Variants in ARK2C observed in about 807,000 individuals in gnomAD.
ARK2C encodes the protein arkadia (RNF111) C-terminal like ring finger ubiquitin ligase 2C.
chr18:46,385,355 G>A, the ARK2C span, among the ~76,000 whole-genome samples: 1 of 152,266 alleles, frequency 6.6e-6, no homozygotes, highest in East Asian at 1.9e-4. Context: ...GTTTTGTCTG[G>A]AAGGAAGGAC....
At chr18:46,375,029 C>G in the ARK2C span, among the ~76,000 whole-genome samples, 1 of 152,158 alleles carries the variant, frequency 6.6e-6, no homozygotes, top group African/African-American at 2.4e-5. Flanking sequence ...AGGTGGAGGA[C>G]CAGAGAGAGG....
At chr18:46,400,602 G>C in the ARK2C span, among the ~76,000 whole-genome samples, 1 of 152,144 alleles carries the variant, frequency 6.6e-6, no homozygotes, top group Admixed American at 6.5e-5. Flanking sequence ...GTGGTTTCTA[G>C]GCAGTCAGAA....
At chr18:46,360,371 G>T in the ARK2C span, among the ~76,000 whole-genome samples, 2 of 152,200 alleles carry the variant, frequency 1.3e-5, no homozygotes, top group Non-Finnish European at 2.9e-5. Flanking sequence ...CCACAATGGT[G>T]CTCAAAATTG....
the ARK2C span, among the ~76,000 whole-genome samples, chr18:46,399,362 C>G: frequency 6.6e-6 from 1 of 152,224 alleles, no homozygotes. Context: ...GTGCTGGCCC[C>G]TTCCCTCCAT....
At chr18:46,453,672 T>C in the ARK2C span, among the ~76,000 whole-genome samples, 1 of 151,812 alleles carries the variant, frequency 6.6e-6, no homozygotes, top group African/African-American at 2.4e-5. Context: ...AAAATTTAAA[T>C]TGAGAGTATA....
chr18:46,336,360 T>G, the ARK2C span: 1 of 982,056 alleles, frequency 1.0e-6, no homozygotes, highest in Non-Finnish European at 1.2e-6. Flanking sequence ...TTTTTAATAC[T>G]ACCTTCTCCC....
At chr18:46,457,966 G>A in the ARK2C span, 1 of 152,638 alleles carries the variant, frequency 6.6e-6, no homozygotes, top group African/African-American at 2.4e-5. Context: ...CCGTGTTCCT[G>A]GTCTCTGGCT....
At chr18:46,377,137 C>T in the ARK2C span, among the ~76,000 whole-genome samples, 143 of 152,162 alleles carry the variant, frequency 9.4e-4, no homozygotes, top group Non-Finnish European at 1.6e-3. Flanking sequence ...ATGGCCTGAC[C>T]TTGGATTATT....
At chr18:46,460,394 C>T in the ARK2C span, 2 of 151,766 alleles carry the variant, frequency 1.3e-5, no homozygotes, top group Non-Finnish European at 2.9e-5. Context: ...ACACAAAAAA[C>T]AAAAAACATG....
At chr18:46,357,244 C>T in the ARK2C span, among the ~76,000 whole-genome samples, 1,319 of 152,306 alleles carry the variant, frequency 8.7e-3, 6 homozygotes, top group South Asian at 0.016. Flanking sequence ...AGGTCTCTTC[C>T]CCAGTGGTAA....
the ARK2C span, chr18:46,435,492 A>G: frequency 1.0e-5 from 10 of 971,490 alleles, no homozygotes; most frequent in South Asian, 1.3e-4. Flanking sequence ...TTCACTTTGA[A>G]TGGCGCAGGA....
chr18:46,367,417 T>G, the ARK2C span, among the ~76,000 whole-genome samples: 1 of 152,150 alleles, frequency 6.6e-6, no homozygotes, highest in Non-Finnish European at 1.5e-5. Flanking sequence ...TCCATAGTAG[T>G]GACCTGAAAA....
the ARK2C span, among the ~76,000 whole-genome samples, chr18:46,425,528 G>A: frequency 6.6e-6 from 1 of 152,212 alleles, no homozygotes; most frequent in African/African-American, 2.4e-5. Flanking sequence ...TCTTGAGGAT[G>A]AAACTCCACT....
the ARK2C span, among the ~76,000 whole-genome samples, chr18:46,379,280 G>A: frequency 6.6e-5 from 10 of 152,168 alleles, no homozygotes; most frequent in Non-Finnish European, 1.0e-4. Flanking sequence ...CTTATTGACC[G>A]TACTTGTCTC....
At chr18:46,390,820 C>T in the ARK2C span, among the ~76,000 whole-genome samples, 1 of 152,092 alleles carries the variant, frequency 6.6e-6, no homozygotes, top group Non-Finnish European at 1.5e-5. Context: ...ATTCTCTTGT[C>T]TGTAAAATGG....
At chr18:46,450,578 A>G in the ARK2C span, 2 of 824,712 alleles carry the variant, frequency 2.4e-6, no homozygotes, top group Admixed American at 2.0e-5. Flanking sequence ...TCAGCATCAG[A>G]TGAGTTCTTC....
At chr18:46,456,562 C>T in the ARK2C span, 1 of 1,614,114 alleles carries the variant, frequency 6.2e-7, no homozygotes, top group African/African-American at 1.3e-5. Flanking sequence ...GTGCGTGGAC[C>T]AGTGGCTCGC....
the ARK2C span, among the ~76,000 whole-genome samples, chr18:46,419,762 G>A: frequency 1.1e-3 from 172 of 152,286 alleles, no homozygotes; most frequent in African/African-American, 3.7e-3. Context: ...ACAGGCCTCT[G>A]CTGCTTGTTA....
At chr18:46,400,951 G>A in the ARK2C span, among the ~76,000 whole-genome samples, 1 of 152,172 alleles carries the variant, frequency 6.6e-6, no homozygotes, top group Admixed American at 6.5e-5. Context: ...TGGGAGATGG[G>A]ATACGGGGAA....
Sources: allele counts gnomAD v4.1 joint callset (sites outside exome capture counted in the v4.1 genomes callset), GRCh38; gene constraint gnomAD v4.1.1; transcripts MANE v1.5; gene names NCBI Gene and HGNC (gene_info 2026-07-23, HGNC 2026-07-21).